Variants in SLC24A2 observed in about 807,000 individuals in gnomAD.
SLC24A2 encodes solute carrier family 24 member 2, also known as sodium/potassium/calcium exchanger 2.
A neutral mutation model predicts 62.0 loss-of-function variants in SLC24A2; 36 were observed. That is an observed-to-expected ratio of 0.58 (90% CI 0.44 to 0.77). The LOEUF (loss-of-function observed/expected upper bound fraction) is 0.77, where lower values mean the gene tolerates loss of function less well. Ranked by LOEUF, SLC24A2 falls within the 30% of genes least tolerant of loss-of-function variation. The probability of loss-of-function intolerance (pLI) is 0.00; values close to 1 mark genes in which losing one functional copy is unlikely to be tolerated. For synonymous variants in SLC24A2, 358 were observed against 294.0 expected, an observed-to-expected ratio of 1.22 and a Z score of -2.23; for missense variants, 846 against 817.9, an observed-to-expected ratio of 1.03 and a Z score of -0.42.
At chr9:19,835,826 G>T in the SLC24A2 span, among the ~76,000 whole-genome samples, 3 of 152,188 alleles carry the variant, frequency 2.0e-5, no homozygotes, top group Non-Finnish European at 4.4e-5. Flanking sequence ...ATAGTTGGAA[G>T]TAAAGCACTC....
the SLC24A2 span, among the ~76,000 whole-genome samples, chr9:19,945,678 C>T: frequency 9.9e-5 from 15 of 151,962 alleles, no homozygotes; most frequent in Admixed American, 8.5e-4. Flanking sequence ...CCCTAATTTA[C>T]AGATGAAGAA....
chr9:20,188,407 C>T, the SLC24A2 span, among the ~76,000 whole-genome samples: 1 of 152,172 alleles, frequency 6.6e-6, no homozygotes, highest in Admixed American at 6.5e-5. Context: ...CTTTAGGGAT[C>T]ATTGCAGGAG....
the SLC24A2 span, among the ~76,000 whole-genome samples, chr9:19,992,205 G>C: frequency 3.9e-4 from 60 of 152,182 alleles, no homozygotes; most frequent in Non-Finnish European, 2.9e-5. Context: ...GAACAACTCT[G>C]TATATACCGG....
the SLC24A2 span, among the ~76,000 whole-genome samples, chr9:19,935,345 C>T: frequency 6.6e-6 from 1 of 152,012 alleles, no homozygotes; most frequent in South Asian, 2.1e-4. Flanking sequence ...GGCACAAAGT[C>T]CTTGCTGCTG....
the SLC24A2 span, among the ~76,000 whole-genome samples, chr9:19,850,988 T>C: frequency 5.1e-3 from 234 of 45,534 alleles, 1 homozygote; most frequent in Non-Finnish European, 7.4e-3. Context: ...TATATATGTA[T>C]ATATATATAT....
At chr9:19,604,864 T>G (rs1229081225) in intron 4 of SLC24A2, among the ~76,000 whole-genome samples, 2 of 152,234 alleles carry the variant, frequency 1.3e-5, no homozygotes, top group African/African-American at 4.8e-5. Context: ...CCTGAATACT[T>G]GGTTCTTTAC....
the SLC24A2 span, among the ~76,000 whole-genome samples, chr9:19,849,413 C>G: frequency 1.3e-5 from 2 of 152,110 alleles, no homozygotes; most frequent in Non-Finnish European, 2.9e-5. Context: ...TATTGTTCAA[C>G]TCAATTTAAA....
the SLC24A2 span, among the ~76,000 whole-genome samples, chr9:19,830,261 C>G: frequency 6.6e-6 from 1 of 152,138 alleles, no homozygotes; most frequent in African/African-American, 2.4e-5. Context: ...TCAGGATATC[C>G]TTGCCCCAAG....
the SLC24A2 span, among the ~76,000 whole-genome samples, chr9:20,179,863 A>G: frequency 3.9e-5 from 6 of 152,184 alleles, no homozygotes; most frequent in African/African-American, 1.4e-4. Flanking sequence ...ATTGCTAAAA[A>G]TTATTGAACA....
chr9:19,540,335 G>A (rs1013763715), intron 8 of SLC24A2, among the ~76,000 whole-genome samples: 4 of 144,562 alleles, frequency 2.8e-5, no homozygotes, highest in Admixed American at 6.8e-5. Flanking sequence ...ATTTTGCAGC[G>A]GCTGGTACCG....
At chr9:19,968,126 G>GT in the SLC24A2 span, 2 of 152,108 alleles carry the variant, frequency 1.3e-5, no homozygotes, top group Non-Finnish European at 2.9e-5. Context: ...GATTAAATGA[G>GT]TTGATACAAA....
chr9:19,725,615 C>A (rs538907160), intron 2 of SLC24A2, among the ~76,000 whole-genome samples: 1 of 152,128 alleles, frequency 6.6e-6, no homozygotes, highest in Admixed American at 6.5e-5. Flanking sequence ...ATTTTTGCCA[C>A]TTTTTAAAGG....
At chr9:20,066,523 G>A in the SLC24A2 span, among the ~76,000 whole-genome samples, 4 of 151,414 alleles carry the variant, frequency 2.6e-5, no homozygotes, top group Non-Finnish European at 5.9e-5. Flanking sequence ...GTCTCACTCT[G>A]TGTCTATATC....
At chr9:20,173,309 T>C in the SLC24A2 span, among the ~76,000 whole-genome samples, 1 of 152,032 alleles carries the variant, frequency 6.6e-6, no homozygotes, top group Non-Finnish European at 1.5e-5. Context: ...CTCTTCAACA[T>C]AGTACTGGAA....
At position 19,597,219 on chromosome 9, in the gene SLC24A2, T is replaced by C; in HGVS notation, c.1129+10A>G. On this transcript the variant is annotated intron_variant, in intron 5 of 10. Transcript: ENST00000341998. Reference sequence around the variant, plus strand: ...AAAGCCAATGCATACAATTCTAAAATCATTCTTACCTTCTTCAGTCATTGT... The same window carrying C: ...AAAGCCAATGCATACAATTCTAAAACCATTCTTACCTTCTTCAGTCATTGT... 6.4e-7 allele frequency: 1 copy of C among 1,561,838 alleles called. No individual in the cohort carries two copies. The highest frequency in any genetic ancestry group is 8.8e-7 in the Non-Finnish European group (1 of 1,132,490).
chr9:19,639,157 C>G (rs572105836), intron 2 of SLC24A2, among the ~76,000 whole-genome samples: 226 of 152,202 alleles, frequency 1.5e-3, no homozygotes, highest in African/African-American at 5.1e-3. Flanking sequence ...ATCTTCATTC[C>G]CTCTCCTCCT....
the SLC24A2 span, among the ~76,000 whole-genome samples, chr9:20,284,898 T>C: frequency 6.6e-6 from 1 of 152,218 alleles, no homozygotes; most frequent in Non-Finnish European, 1.5e-5. Flanking sequence ...GTAAATGCCT[T>C]ACAGGGAATT....
chr9:20,164,308 A>C, the SLC24A2 span, among the ~76,000 whole-genome samples: 1 of 152,094 alleles, frequency 6.6e-6, no homozygotes, highest in Admixed American at 6.6e-5. Context: ...CAACCCCATC[A>C]AAAAGTGGGC....
chr9:20,200,061 G>A, the SLC24A2 span, among the ~76,000 whole-genome samples: 5 of 151,724 alleles, frequency 3.3e-5, no homozygotes, highest in Non-Finnish European at 5.9e-5. Flanking sequence ...AATATAGTCA[G>A]ATCCTTCAAA....
Sources: gnomAD v4.1 joint callset for allele counts (sites outside exome capture counted in the v4.1 genomes callset) on GRCh38, gnomAD v4.1.1 for gene constraint, MANE v1.5 for transcripts, NCBI Gene and HGNC (gene_info 2026-07-23, HGNC 2026-07-21) for gene names.